Variants in CDH5 observed in about 807,000 individuals in gnomAD.
The protein encoded by CDH5 is cadherin 5, also known as cadherin-5.
Under a neutral mutation model 62.0 loss-of-function variants are expected in CDH5, and 28 were observed. That is an observed-to-expected ratio of 0.45 (90% confidence interval 0.33 to 0.62). The LOEUF is 0.62. CDH5 is among the 20% of genes least tolerant of loss of function. The probability of loss-of-function intolerance (pLI) is 0.02; values close to 1 mark genes in which losing one functional copy is unlikely to be tolerated. For synonymous variants in CDH5, 464 were observed against 445.8 expected, an observed-to-expected ratio of 1.04 and a Z score of -0.52; for missense variants, 940 against 1,065.1, an observed-to-expected ratio of 0.88 and a Z score of 1.63.
intron 1 of CDH5, among the ~76,000 whole-genome samples, chr16:66,376,117 TAAATAAATAA>T (rs1251926520): frequency 4.5e-5 from 2 of 43,966 alleles, no homozygotes; most frequent in Non-Finnish European, 7.4e-5. Flanking sequence ...AAATAATAAA[TAAATAAATAA>T]ATAAATAAAT....
Sources: allele counts gnomAD v4.1 joint callset (sites outside exome capture counted in the v4.1 genomes callset), GRCh38; gene constraint gnomAD v4.1.1; transcripts MANE v1.5; gene names NCBI Gene and HGNC (gene_info 2026-07-23, HGNC 2026-07-21).